Variants in GRAMD1B observed in about 807,000 individuals in gnomAD.
GRAMD1B encodes protein Aster-B.
A neutral mutation model predicts 99.7 loss-of-function variants in GRAMD1B; 37 were observed. The ratio of observed to expected loss-of-function variants is 0.37; its 90% CI spans 0.29 to 0.49. The LOEUF (loss-of-function observed/expected upper bound fraction) is 0.49, where lower values mean the gene tolerates loss of function less well. Ranked by LOEUF, GRAMD1B falls within the 20% of genes least tolerant of loss-of-function variation. The pLI, the probability that GRAMD1B is intolerant of heterozygous loss-of-function variation, is 0.98. For missense variants in GRAMD1B, 888 were observed against 1,009.2 expected, an observed-to-expected ratio of 0.88 and a Z score of 1.63; for synonymous variants, 427 against 387.6, an observed-to-expected ratio of 1.10 and a Z score of -1.19.
chr11:123,491,622 A>G, intron 2 of GRAMD1B: 1 of 352,002 alleles, frequency 2.8e-6, no homozygotes, highest in Non-Finnish European at 5.1e-6. Context: ...TGGCTTGGGC[A>G]GGAGGCAGAG....
chr11:123,360,693 C>T (rs1946109567), intron 1 of GRAMD1B, among the ~76,000 whole-genome samples: 1 of 152,116 alleles, frequency 6.6e-6, no homozygotes, highest in Non-Finnish European at 1.5e-5. Context: ...GTTGCCTGAT[C>T]AGCTGTGTTC....
intron 2 of GRAMD1B, among the ~76,000 whole-genome samples, chr11:123,557,657 C>T (rs997104117): frequency 1.3e-5 from 2 of 152,136 alleles, no homozygotes; most frequent in Non-Finnish European, 2.9e-5. Context: ...ATTGAAAGAT[C>T]GGAAACTTAG....
At chr11:123,548,653 G>A (rs1307251271) in intron 2 of GRAMD1B, among the ~76,000 whole-genome samples, 2 of 152,042 alleles carry the variant, frequency 1.3e-5, no homozygotes, top group Non-Finnish European at 2.9e-5. Context: ...TGTCACCCAG[G>A]TTGGAGTGCA....
intron 1 of GRAMD1B, among the ~76,000 whole-genome samples, chr11:123,478,478 T>C (rs945382473): frequency 2.6e-5 from 4 of 152,208 alleles, no homozygotes; most frequent in African/African-American, 9.7e-5. Context: ...TTCTAAGCCA[T>C]GGGAAGGCAG....
chr11:123,515,690 G>A (rs73027917), intron 2 of GRAMD1B, among the ~76,000 whole-genome samples: 2,098 of 151,870 alleles, frequency 0.014, 26 homozygotes, highest in Non-Finnish European at 0.017. Flanking sequence ...CTGAAACATA[G>A]AACTACCACC....
intron 1 of GRAMD1B, among the ~76,000 whole-genome samples, chr11:123,438,893 T>C (rs1223374253): frequency 6.6e-6 from 1 of 152,216 alleles, no homozygotes; most frequent in Non-Finnish European, 1.5e-5. Flanking sequence ...CTGACCCCAG[T>C]GGGCAAACTG....
Position 123,549,216 on chromosome 11 carries a change from CATCTT to C in GRAMD1B, c.453-28150_453-28146del, listed in dbSNP as rs1945363914. On this transcript the variant is annotated intron_variant, in intron 2 of 19. Coordinates refer to ENST00000635736, the MANE Select transcript of GRAMD1B (RefSeq NM_001387025.1). The stretch of plus-strand genomic sequence containing the variant: ...ATGGCCACAGAGCCCAATTTTTCTG[CATCTT>C]CTTAACACTTGCAGAGCTGTGAGAT... 2.6e-5 allele frequency among the ~76,000 whole-genome samples: 4 copies of C among 152,158 alleles called. No homozygotes were observed. In the South Asian group the frequency reaches 8.3e-4, roughly 32 times the overall value.
intron 1 of GRAMD1B, among the ~76,000 whole-genome samples, chr11:123,420,084 C>T (rs141745236): frequency 7.5e-4 from 114 of 152,298 alleles, no homozygotes; most frequent in African/African-American, 2.6e-3. Flanking sequence ...GGAAGCTAAA[C>T]TAGAATCTTA....
At chr11:123,377,412 G>A (rs1457130322) in intron 1 of GRAMD1B, among the ~76,000 whole-genome samples, 1 of 152,190 alleles carries the variant, frequency 6.6e-6, no homozygotes, top group African/African-American at 2.4e-5. Flanking sequence ...AAAATGCGTG[G>A]TGGGTGCAGG....
At chr11:123,468,093 A>C (rs1565524338) in intron 1 of GRAMD1B, among the ~76,000 whole-genome samples, 1 of 151,810 alleles carries the variant, frequency 6.6e-6, no homozygotes. Context: ...TAATCTCTTG[A>C]CCTCGTGATC....
Position 123,558,023 on chromosome 11 carries a change from G to A in GRAMD1B, c.453-19344G>A, listed in dbSNP as rs111891524. ...TTTTAATGCAGAGTCTTGCTCTGTC[G>A]CCCAGGCTGGAGTGCAGTGGTGCGA... On this transcript the variant is annotated intron_variant, in intron 2 of 19. Coordinates refer to ENST00000635736, the MANE Select transcript of GRAMD1B (RefSeq NM_001387025.1). 8.2e-3 allele frequency among the ~76,000 whole-genome samples: 1,081 copies of A among 132,406 alleles called. 10 individuals are homozygous for A. The highest frequency in any genetic ancestry group is 0.027 in the African/African-American group (999 of 36,628). The allele number at this position is 132,406 out of a possible 152,430, so 86.9% of individuals were successfully genotyped here. A position where few individuals can be genotyped will look rare whatever the true frequency, so the allele number is the denominator to read the frequency against.
chr11:123,446,547 G>A (rs1949653483), intron 1 of GRAMD1B, among the ~76,000 whole-genome samples: 1 of 152,202 alleles, frequency 6.6e-6, no homozygotes, highest in Non-Finnish European at 1.5e-5. Context: ...GGTTAACAGA[G>A]AGGACAGTCG....
chr11:123,619,250 G>T (rs1954827145), intron 19 of GRAMD1B, 26 bp downstream of exon 19: 7 of 1,548,070 alleles, frequency 4.5e-6, no homozygotes, highest in Non-Finnish European at 5.2e-6. Context: ...TTCTCTGCTT[G>T]CCCTGGTCTT....
Position 123,385,863 on chromosome 11 carries a change from C to CTG in GRAMD1B, c.-176+27076_-176+27077dup, listed in dbSNP as rs543732277. ...GGTCCTTCCCTGTGCCACTGTGAGTCTGTGTGTGTGTGTAATGATGCTTCT... is the reference window on the plus strand; with the variant it reads ...GGTCCTTCCCTGTGCCACTGTGAGTCTGTGTGTGTGTGTGTAATGATGCTTCT... On this transcript the variant is annotated intron_variant, in intron 1 of 20. Transcript: ENST00000638157. Among the ~76,000 whole-genome samples the CTG allele has an allele frequency of 2.0e-4, 30 of 151,828 alleles. No homozygotes were observed. The South Asian group carries it at 3.8e-3, about 19-fold the overall frequency.
chr11:123,380,624 G>C (rs1284693354), intron 1 of GRAMD1B, among the ~76,000 whole-genome samples: 1 of 152,178 alleles, frequency 6.6e-6, no homozygotes, highest in Non-Finnish European at 1.5e-5. Context: ...GGCGTTAGGT[G>C]ATAAAGAGAA....
intron 19 of GRAMD1B, among the ~76,000 whole-genome samples, chr11:123,620,469 T>G (rs1448844260): frequency 2.0e-5 from 1 of 50,736 alleles, no homozygotes; most frequent in African/African-American, 7.5e-5. Flanking sequence ...TGAGACTTCA[T>G]CTCAAAAAAA....
chr11:123,550,438 C>T (rs1011638952), intron 2 of GRAMD1B, among the ~76,000 whole-genome samples: 4 of 152,186 alleles, frequency 2.6e-5, no homozygotes, highest in African/African-American at 9.7e-5. Context: ...CATGCACACT[C>T]ACTCTGCCAT....
intron 2 of GRAMD1B, among the ~76,000 whole-genome samples, chr11:123,528,134 G>A (rs988907601): frequency 2.0e-5 from 3 of 152,046 alleles, no homozygotes; most frequent in Admixed American, 6.6e-5. Flanking sequence ...GCTCCCTTTG[G>A]CAGTATCCCA....
In GRAMD1B at chr11:123,377,065, A is replaced by G. The variant is rs888299405; in HGVS notation, c.-176+18266A>G. Among the ~76,000 whole-genome samples the G allele has an allele frequency of 5.3e-5, 8 of 152,162 alleles. 1 individual carries two copies. The highest frequency in any genetic ancestry group is 1.2e-4 in the African/African-American group (5 of 41,432). ...CCTGCCTGAATAATCTCCAAGAACT[A>G]CTCTAAAAGAACACAAGTATTGACT... is the stretch of plus-strand genomic sequence containing the variant. On this transcript the variant is annotated intron_variant, in intron 1 of 20. Coordinates refer to the GRAMD1B transcript ENST00000638157.
Sources: gnomAD v4.1 joint callset for allele counts (sites outside exome capture counted in the v4.1 genomes callset) on GRCh38, gnomAD v4.1.1 for gene constraint, MANE v1.5 for transcripts, NCBI Gene and HGNC (gene_info 2026-07-23, HGNC 2026-07-21) for gene names.